The following MORC4 variants were observed in gnomAD, a reference collection of about 807,000 sequenced individuals.
MORC4 encodes MORC family CW-type zinc finger 4.
Under a neutral mutation model 65.5 loss-of-function variants are expected in MORC4, and 22 were observed. That is an observed-to-expected ratio of 0.34 (90% CI 0.24 to 0.48). The LOEUF (loss-of-function observed/expected upper bound fraction) is 0.48. Among genes scored for constraint, MORC4 ranks in the 20% least tolerant of loss-of-function variants. The pLI, the probability that MORC4 is intolerant of heterozygous loss-of-function variation, is 0.99. For missense variants in MORC4, 624 were observed against 703.0 expected, an observed-to-expected ratio of 0.89 and a Z score of 1.27; for synonymous variants, 267 against 255.8, an observed-to-expected ratio of 1.04 and a Z score of -0.42.
intron 14 of MORC4, among the ~76,000 whole-genome samples, chrX:106,944,454 C>G (rs1933774578): frequency 8.9e-6 from 1 of 111,865 alleles, no homozygotes; most frequent in Non-Finnish European, 1.9e-5. Context: ...AACAACCAAG[C>G]CTTGTGAAAA....
At chrX:106,948,046 C>T (rs905470932) in intron 14 of MORC4, among the ~76,000 whole-genome samples, 8 of 111,255 alleles carry the variant, frequency 7.2e-5, no homozygotes, top group African/African-American at 1.3e-4. Flanking sequence ...ACAAGTGTCA[C>T]GCCTTCTTTG....
chrX:106,990,895 A>G (rs1934968425), intron 3 of MORC4, among the ~76,000 whole-genome samples: 1 of 111,365 alleles, frequency 9.0e-6, no homozygotes, highest in African/African-American at 3.3e-5. Context: ...TTTTAATTAA[A>G]AAAAAAGGTA....
intron 10 of MORC4, among the ~76,000 whole-genome samples, chrX:106,959,274 T>C (rs1039663481): frequency 1.8e-5 from 2 of 110,914 alleles, no homozygotes; most frequent in Non-Finnish European, 3.8e-5. Context: ...GTGGTCCTTA[T>C]ATGACAGAAG....
intron 11 of MORC4, among the ~76,000 whole-genome samples, chrX:106,958,018 T>G (rs1934150967): frequency 8.9e-6 from 1 of 112,273 alleles, no homozygotes; most frequent in Non-Finnish European, 1.9e-5. Context: ...AAACACTTGC[T>G]GCCCAGATGG....
At chrX:106,966,377 G>C (rs1365464241) in intron 9 of MORC4, among the ~76,000 whole-genome samples, 1 of 112,518 alleles carries the variant, frequency 8.9e-6, no homozygotes, top group Non-Finnish European at 1.9e-5. Context: ...CGACGCAGAA[G>C]ACAGGTAATT....
chrX:106,972,468 T>TA (rs1198356842), intron 9 of MORC4, among the ~76,000 whole-genome samples: 2 of 109,995 alleles, frequency 1.8e-5, no homozygotes, highest in African/African-American at 6.6e-5. Context: ...AGTATAATAA[T>TA]AAAAAAAAGA....
intron 11 of MORC4, among the ~76,000 whole-genome samples, chrX:106,957,736 C>T (rs769243342): frequency 1.8e-5 from 2 of 111,667 alleles, no homozygotes; most frequent in South Asian, 3.8e-4. Context: ...ACACAAACAG[C>T]GCTGAATATA....
intron 5 of MORC4, among the ~76,000 whole-genome samples, chrX:106,984,664 G>A (rs763259946): frequency 1.0e-5 from 1 of 100,317 alleles, no homozygotes; most frequent in Admixed American, 1.0e-4. Flanking sequence ...AATAGAGACG[G>A]GGTTTCACCA....
chrX:106,980,933 G>A lies in MORC4; in HGVS notation c.894C>T (p.Ser298=), dbSNP rs376458492. The change falls in exon 7 of 17, where the codon AGC becomes AGT. Residue 298 remains serine (S), a synonymous_variant. Coordinates refer to ENST00000355610, the MANE Select transcript of MORC4 (RefSeq NM_024657.5). ...ATGTATCATATTCTACATTGGCCAG[G>A]CTCTTGGCAATCATCTGGGTAGTCA... The part of the protein sequence containing the change: ...KKVTTQMIAK[S]LANVEYDTYK... The A allele has an allele frequency of 2.8e-5, 34 of 1,205,847 alleles. No individual in the cohort carries two copies. Among genetic ancestry groups the A allele is most frequent in the Non-Finnish European group, 3.7e-5 (33 of 891,513 alleles).
At chrX:106,968,074 G>A (rs1934415956) in intron 9 of MORC4, among the ~76,000 whole-genome samples, 3 of 111,867 alleles carry the variant, frequency 2.7e-5, no homozygotes, top group African/African-American at 3.2e-5. Context: ...GAGAAAGGGC[G>A]GGATACCCAC....
chrX:106,966,094 G>T (rs1231116958), intron 9 of MORC4, among the ~76,000 whole-genome samples: 1 of 111,839 alleles, frequency 8.9e-6, no homozygotes, highest in Non-Finnish European at 1.9e-5. Context: ...ATTGACGAAT[G>T]AACTGTTAAA....
intron 11 of MORC4, among the ~76,000 whole-genome samples, 185 bp downstream of exon 11, chrX:106,958,151 G>A (rs1024562886): frequency 1.8e-5 from 2 of 111,841 alleles, no homozygotes; most frequent in African/African-American, 6.5e-5. Context: ...CCACAGCCCT[G>A]GCTCAAGTAC....
At chrX:106,943,488 A>G (rs1264054152) in intron 14 of MORC4, among the ~76,000 whole-genome samples, 1 of 111,603 alleles carries the variant, frequency 9.0e-6, no homozygotes, top group Non-Finnish European at 1.9e-5. Flanking sequence ...GATTGCGACC[A>G]GCCTGACTTA....
intron 14 of MORC4, among the ~76,000 whole-genome samples, chrX:106,945,967 T>C (rs1933816392): frequency 8.9e-6 from 1 of 111,977 alleles, no homozygotes; most frequent in Admixed American, 9.5e-5. Context: ...AATTAATATA[T>C]TTCATTTTTT....
intron 8 of MORC4, among the ~76,000 whole-genome samples, chrX:106,977,283 G>A (rs1934645072): frequency 9.0e-6 from 1 of 111,289 alleles, no homozygotes; most frequent in Non-Finnish European, 1.9e-5. Flanking sequence ...AATTGGACTG[G>A]AACACAAACA....
intron 9 of MORC4, among the ~76,000 whole-genome samples, chrX:106,975,142 G>A (rs1315803365): frequency 1.8e-5 from 2 of 111,391 alleles, no homozygotes; most frequent in Non-Finnish European, 3.8e-5. Context: ...TTGGGGGGTT[G>A]GTGGCAAAGA....
At chrX:106,982,016 C>T (rs967388851) in intron 5 of MORC4, among the ~76,000 whole-genome samples, 1 of 112,027 alleles carries the variant, frequency 8.9e-6, no homozygotes, top group African/African-American at 3.2e-5. Context: ...ATCATTTAAA[C>T]ATAATGGTAC....
rs187050944 is a variant in MORC4 at position 106,991,419 on chromosome X, T to C, written c.308+1811A>G. Among the ~76,000 whole-genome samples the C allele has an allele frequency of 1.5e-4, 17 of 112,650 alleles. No homozygotes were observed. The East Asian group carries it at 4.5e-3, about 30-fold the overall frequency. On this transcript the variant is annotated intron_variant, in intron 3 of 16. Coordinates refer to ENST00000355610, the MANE Select transcript of MORC4 (RefSeq NM_024657.5). ...AATAAAAATTTGTTGAATGAATAAA[T>C]GAATGAATCTGGAACAAAAATTGTG...
intron 9 of MORC4, among the ~76,000 whole-genome samples, chrX:106,964,467 GAATA>G (rs1404309283): frequency 9.0e-6 from 1 of 111,487 alleles, no homozygotes; most frequent in African/African-American, 3.3e-5. Flanking sequence ...AAGAATACTT[GAATA>G]AATAATTGCC....
Sources: allele counts gnomAD v4.1 joint callset (sites outside exome capture counted in the v4.1 genomes callset), GRCh38; gene constraint gnomAD v4.1.1; transcripts MANE v1.5; gene names NCBI Gene and HGNC (gene_info 2026-07-23, HGNC 2026-07-21).